Variants in RHBDL3 observed in about 807,000 individuals in gnomAD.
RHBDL3 encodes rhomboid-related protein 3.
In RHBDL3, 28 loss-of-function variants were observed where a neutral mutation model predicts 48.2. The observed-to-expected ratio is 0.58, with a 90% CI of 0.43 to 0.80. The LOEUF is 0.80. Ranked by LOEUF, RHBDL3 falls within the 30% of genes least tolerant of loss-of-function variation. The pLI is 0.00. For synonymous variants in RHBDL3, 208 were observed against 232.3 expected (o/e 0.90, Z 0.95); for missense variants, 464 against 542.7 (o/e 0.85, Z 1.44).
intron 4 of RHBDL3, among the ~76,000 whole-genome samples, chr17:32,293,855 C>T (rs2040389282): frequency 6.6e-6 from 1 of 152,044 alleles, no homozygotes; most frequent in African/African-American, 2.4e-5. Flanking sequence ...GAGACAGGCA[C>T]AGTGGCTCAC....
intron 6 of RHBDL3, among the ~76,000 whole-genome samples, chr17:32,301,534 A>G (rs1000320281): frequency 6.6e-6 from 1 of 150,970 alleles, no homozygotes; most frequent in African/African-American, 2.4e-5. Flanking sequence ...AGAATAAAGG[A>G]AAGTTGGCGG....
chr17:32,321,436 G>A lies in RHBDL3; in HGVS notation c.*207G>A. ...TGGCGGAGGAGTTGATGTGGCTGCT[G>A]TCGTTTTTCTCGGCTGCTCTGATGA... On this transcript the variant is annotated 3_prime_UTR_variant, in exon 9 of 9. Transcript: ENST00000269051. 1.4e-6 allele frequency: 2 copies of A among 1,452,728 alleles called. No individual in the cohort carries two copies. The highest frequency in any genetic ancestry group is 1.8e-6 in the Non-Finnish European group (2 of 1,082,462). 90.0% of individuals were successfully genotyped at this position (1,452,728 alleles called of 1,614,324 possible).
intron 2 of RHBDL3, among the ~76,000 whole-genome samples, chr17:32,279,282 G>T (rs17780388): frequency 0.14 from 21,352 of 152,176 alleles, 1,689 homozygotes; most frequent in Admixed American, 0.17. Flanking sequence ...TTATCGTGTT[G>T]CTGTTCACCA....
Position 32,322,586 on chromosome 17 carries a change from A to C in RHBDL3, c.*1357A>C, listed in dbSNP as rs1243730205. ...GGGACAGGAGGCTACAGGAAGAGGAATTCCAGTTTAGTTGGAAAACTTTGC... is the reference window on the plus strand; with the variant it reads ...GGGACAGGAGGCTACAGGAAGAGGACTTCCAGTTTAGTTGGAAAACTTTGC... On this transcript the variant is annotated 3_prime_UTR_variant, in exon 9 of 9. Transcript: ENST00000269051. The C allele has an allele frequency of 2.0e-5, 3 of 152,250 alleles. No homozygotes were observed. The highest frequency in any genetic ancestry group is 2.9e-5 in the Non-Finnish European group (2 of 68,090). 9.4% of individuals were successfully genotyped at this position (152,250 alleles called of 1,614,324 possible).
intron 2 of RHBDL3, among the ~76,000 whole-genome samples, chr17:32,269,571 C>T (rs968633003): frequency 1.3e-5 from 2 of 152,210 alleles, no homozygotes; most frequent in African/African-American, 4.8e-5. Context: ...CATGCACTGG[C>T]TCCTGTCCTG....
At chr17:32,268,480 G>A (rs1387770470) in intron 2 of RHBDL3, among the ~76,000 whole-genome samples, 2 of 152,224 alleles carry the variant, frequency 1.3e-5, no homozygotes, top group Non-Finnish European at 2.9e-5. Context: ...TGGAGTCCAG[G>A]TGTAGGGCAT....
intron 5 of RHBDL3, among the ~76,000 whole-genome samples, chr17:32,297,318 A>C (rs1278601833): frequency 1.3e-5 from 2 of 152,142 alleles, no homozygotes; most frequent in Non-Finnish European, 2.9e-5. Context: ...AAATACAAAA[A>C]TTAGCCGGGC....
chr17:32,298,273 G>A (rs984325447), intron 6 of RHBDL3, 69 bp downstream of exon 6: 25 of 1,009,568 alleles, frequency 2.5e-5, no homozygotes, highest in South Asian at 1.9e-4. Flanking sequence ...CCTGTGGGGC[G>A]GGGCAAGCCC....
chr17:32,279,322 C>T (rs566610129), intron 2 of RHBDL3, among the ~76,000 whole-genome samples: 1 of 152,342 alleles, frequency 6.6e-6, no homozygotes, highest in Admixed American at 6.5e-5. Context: ...AGCACATAAA[C>T]TAGCTCCGAA....
At chr17:32,294,027 C>T (rs914498509) in intron 4 of RHBDL3, among the ~76,000 whole-genome samples, 1 of 151,644 alleles carries the variant, frequency 6.6e-6, no homozygotes, top group Non-Finnish European at 1.5e-5. Flanking sequence ...ACTCAGGAGG[C>T]TGAGGCAGGA....
At chr17:32,277,163 G>A (rs868015170) in intron 2 of RHBDL3, among the ~76,000 whole-genome samples, 1 of 152,196 alleles carries the variant, frequency 6.6e-6, no homozygotes, top group Non-Finnish European at 1.5e-5. Flanking sequence ...CTTGGCTCTG[G>A]GTACTGCCTT....
chr17:32,307,932 G>A (rs11657299), intron 7 of RHBDL3, among the ~76,000 whole-genome samples: 80,330 of 151,708 alleles, frequency 0.53, 22,156 homozygotes, highest in Non-Finnish European at 0.6. Context: ...TGTAGGGGTG[G>A]TGAACAAGCT....
At chr17:32,307,067 G>T (rs949013464) in intron 7 of RHBDL3, among the ~76,000 whole-genome samples, 4 of 152,194 alleles carry the variant, frequency 2.6e-5, no homozygotes, top group Admixed American at 6.5e-5. Context: ...AGCCTTGAAG[G>T]CCAGAAATTG....
intron 7 of RHBDL3, among the ~76,000 whole-genome samples, chr17:32,311,181 C>T (rs1052064776): frequency 6.6e-6 from 1 of 152,202 alleles, no homozygotes; most frequent in Admixed American, 6.5e-5. Context: ...CTCTTTGAGG[C>T]TCTGGGAGAA....
chr17:32,289,904 C>T (rs112517094), intron 4 of RHBDL3, among the ~76,000 whole-genome samples: 2,493 of 152,342 alleles, frequency 0.016, 65 homozygotes, highest in African/African-American at 0.057. Flanking sequence ...TCCTTCTTTT[C>T]TTCTAAGTCA....
chr17:32,281,117 T>C (rs1291373132), intron 2 of RHBDL3, among the ~76,000 whole-genome samples: 1 of 152,186 alleles, frequency 6.6e-6, no homozygotes, highest in East Asian at 1.9e-4. Context: ...GGTAGAGTTT[T>C]GGCAGAGAAC....
intron 6 of RHBDL3, among the ~76,000 whole-genome samples, chr17:32,301,334 G>A (rs2040577512): frequency 6.6e-6 from 1 of 151,830 alleles, no homozygotes; most frequent in Non-Finnish European, 1.5e-5. Flanking sequence ...TTGGGAGGCT[G>A]AGGTGAGGGG....
rs1214379042 is a variant in RHBDL3, at chr17:32,294,275, C to G, written c.520-19C>G. On this transcript the variant is annotated intron_variant, in intron 4 of 8. Transcript: ENST00000269051. ...TGGGCAGTGTGCACCTAGTAACAGA[C>G]TCTCTCTCTTCTGTCCAGGTTGCCT... is the stretch of plus-strand genomic sequence containing the variant. 1.2e-6 allele frequency: 2 copies of G among 1,608,464 alleles called. No homozygotes were observed. Among genetic ancestry groups the G allele is most frequent in the African/African-American group, 1.3e-5 (1 of 74,690 alleles).
chr17:32,268,940 G>A (rs2039701591), intron 2 of RHBDL3, among the ~76,000 whole-genome samples: 1 of 152,176 alleles, frequency 6.6e-6, no homozygotes, highest in Non-Finnish European at 1.5e-5. Context: ...GAAGGTGACA[G>A]TGAGGATGGA....
Sources: allele counts gnomAD v4.1 joint callset (sites outside exome capture counted in the v4.1 genomes callset), GRCh38; gene constraint gnomAD v4.1.1; transcripts MANE v1.5; gene names NCBI Gene and HGNC (gene_info 2026-07-23, HGNC 2026-07-21).